Variants in RPS6KA2 observed in about 807,000 individuals in gnomAD.
RPS6KA2 encodes the protein ribosomal protein S6 kinase alpha-2.
In RPS6KA2, 42 loss-of-function variants were observed where a neutral mutation model predicts 91.8. The observed-to-expected ratio is 0.46, with a 90% CI of 0.36 to 0.59. The LOEUF (loss-of-function observed/expected upper bound fraction) is 0.59, where lower values mean the gene tolerates loss of function less well. Ranked by LOEUF, RPS6KA2 falls within the 20% of genes least tolerant of loss-of-function variation. The pLI, the probability that RPS6KA2 is intolerant of heterozygous loss-of-function variation, is 0.00. For missense variants in RPS6KA2, 798 were observed against 978.5 expected, an observed-to-expected ratio of 0.82 and a Z score of 2.46; for synonymous variants, 414 against 393.6, an observed-to-expected ratio of 1.05 and a Z score of -0.61.
chr6:166,832,881 C>T (rs1367000900), intron 2 of RPS6KA2, among the ~76,000 whole-genome samples: 5 of 152,122 alleles, frequency 3.3e-5, no homozygotes, highest in African/African-American at 9.7e-5. Context: ...ATCACGATAC[C>T]TTAAAGAGCA....
intron 2 of RPS6KA2, among the ~76,000 whole-genome samples, chr6:166,742,144 A>G (rs946025794): frequency 2.6e-5 from 4 of 152,148 alleles, no homozygotes; most frequent in Non-Finnish European, 5.9e-5. Flanking sequence ...AAAACAAAAA[A>G]CAAAACAAAA....
At chr6:166,703,311 G>A (rs751167654) in intron 2 of RPS6KA2, among the ~76,000 whole-genome samples, 4 of 152,212 alleles carry the variant, frequency 2.6e-5, no homozygotes. Context: ...ATTACCTTTT[G>A]TTACACCTGG....
At chr6:166,783,735 C>A (rs186328936) in intron 2 of RPS6KA2, among the ~76,000 whole-genome samples, 1 of 131,572 alleles carries the variant, frequency 7.6e-6, no homozygotes, top group East Asian at 1.9e-4. Context: ...CACATACACG[C>A]GTGGACACCT....
chr6:166,505,643 G>A (rs908647925), intron 5 of RPS6KA2, among the ~76,000 whole-genome samples: 10 of 152,210 alleles, frequency 6.6e-5, no homozygotes, highest in East Asian at 3.9e-4. Context: ...GGTGAGTGGC[G>A]TCAGGCCGAC....
intron 2 of RPS6KA2, among the ~76,000 whole-genome samples, chr6:166,722,022 T>C (rs1790191401): frequency 6.6e-6 from 1 of 152,226 alleles, no homozygotes; most frequent in South Asian, 2.1e-4. Context: ...AATGTCATAG[T>C]GGAGTAAATA....
chr6:166,516,698 T>C (rs535957151), intron 3 of RPS6KA2, among the ~76,000 whole-genome samples: 69 of 152,322 alleles, frequency 4.5e-4, no homozygotes, highest in Non-Finnish European at 9.0e-4. Flanking sequence ...CACTGTGCCC[T>C]TTATCTCAGC....
At chr6:166,558,635 C>G (rs1438564413) in intron 1 of RPS6KA2, among the ~76,000 whole-genome samples, 1 of 152,186 alleles carries the variant, frequency 6.6e-6, no homozygotes, top group Non-Finnish European at 1.5e-5. Flanking sequence ...GGATGGCGAC[C>G]ATAAGTGGGG....
Position 166,729,346 on chromosome 6 carries a change from A to C in RPS6KA2, c.123+128854T>G, listed in dbSNP as rs548540776. 1.1e-4 allele frequency among the ~76,000 whole-genome samples: 17 copies of C among 152,202 alleles called. No individual in the cohort carries two copies. The South Asian group carries it at 3.3e-3, about 30-fold the overall frequency. On this transcript the variant is annotated intron_variant, in intron 2 of 21. Transcript: ENST00000503859. ...GTCACCTGCCATTGCTCAGGATGTT[A>C]TTTCTTTCTCTTTCTGTGTGTGATG...
chr6:166,667,149 C>T (rs560625151), intron 2 of RPS6KA2, among the ~76,000 whole-genome samples: 36 of 152,148 alleles, frequency 2.4e-4, no homozygotes, highest in Non-Finnish European at 4.0e-4. Context: ...GAGAAAGGAA[C>T]GGAGTTCTGG....
intron 2 of RPS6KA2, among the ~76,000 whole-genome samples, chr6:166,828,699 T>C (rs1451682664): frequency 1.3e-5 from 2 of 152,164 alleles, no homozygotes; most frequent in Admixed American, 1.3e-4. Flanking sequence ...AAGACCTAAA[T>C]GTAAGACCTA....
intron 2 of RPS6KA2, among the ~76,000 whole-genome samples, chr6:166,797,155 C>T (rs777063913): frequency 1.6e-4 from 24 of 152,278 alleles, no homozygotes; most frequent in African/African-American, 4.3e-4. Context: ...GCTCTGCTGC[C>T]GCATCTCTGT....
intron 2 of RPS6KA2, 34 bp from the exon 3 acceptor site, chr6:166,531,347 T>G: frequency 1.3e-6 from 2 of 1,518,068 alleles, no homozygotes; most frequent in Non-Finnish European, 1.8e-6. Context: ...CAGAAACCCG[T>G]AAGACTTCAA....
intron 2 of RPS6KA2, among the ~76,000 whole-genome samples, chr6:166,742,481 T>C (rs1369334812): frequency 2.0e-5 from 3 of 152,182 alleles, no homozygotes; most frequent in Non-Finnish European, 4.4e-5. Flanking sequence ...CAAAAAGTAA[T>C]GCTAACCTGC....
intron 2 of RPS6KA2, chr6:166,702,411 TCA>T: frequency 6.2e-7 from 1 of 1,602,856 alleles, no homozygotes; most frequent in Non-Finnish European, 8.5e-7. Context: ...TGAAATCCAT[TCA>T]GTTTGTCTAG....
chr6:166,469,647 G>A (rs1442500140), intron 11 of RPS6KA2, among the ~76,000 whole-genome samples, 194 bp downstream of exon 11: 3 of 152,156 alleles, frequency 2.0e-5, no homozygotes, highest in South Asian at 2.1e-4. Flanking sequence ...GGGCACTCAC[G>A]TGTCTGTGCC....
intron 1 of RPS6KA2, among the ~76,000 whole-genome samples, chr6:166,577,273 C>T (rs1470970341): frequency 6.6e-6 from 1 of 152,252 alleles, no homozygotes; most frequent in Non-Finnish European, 1.5e-5. Context: ...TACTGTGGCA[C>T]TGCCTGGTGG....
intron 16 of RPS6KA2, among the ~76,000 whole-genome samples, chr6:166,425,326 G>T (rs542464819): frequency 2.4e-4 from 36 of 151,812 alleles, no homozygotes; most frequent in African/African-American, 8.5e-4. Context: ...GGAACAACAG[G>T]TACCAGCCAC....
At chr6:166,749,711 C>T (rs990731972) in intron 2 of RPS6KA2, among the ~76,000 whole-genome samples, 1 of 70,368 alleles carries the variant, frequency 1.4e-5, no homozygotes, top group Non-Finnish European at 2.8e-5. Context: ...AGGCCCCCAC[C>T]TCCTCAGGCC....
intron 2 of RPS6KA2, among the ~76,000 whole-genome samples, chr6:166,751,810 G>A (rs950055415): frequency 2.5e-4 from 38 of 152,356 alleles, no homozygotes; most frequent in Middle Eastern, 3.4e-3. Context: ...TCTACAGAAT[G>A]AGCAGAACAT....
Sources: allele counts gnomAD v4.1 joint callset (sites outside exome capture counted in the v4.1 genomes callset), GRCh38; gene constraint gnomAD v4.1.1; transcripts MANE v1.5; gene names NCBI Gene and HGNC (gene_info 2026-07-23, HGNC 2026-07-21).